The following CCDC187 variants were observed in gnomAD, a reference collection of about 807,000 sequenced individuals.
CCDC187 encodes coiled-coil domain containing 187.
CCDC187 carries 32 observed loss-of-function variants against 38.0 expected under a neutral mutation model. The observed-to-expected ratio is 0.84, with a 90% CI of 0.64 to 1.13. The LOEUF (loss-of-function observed/expected upper bound fraction) is 1.13. Among genes scored for constraint, CCDC187 ranks in the 50% most tolerant of loss-of-function variants. The probability of loss-of-function intolerance (pLI) is 0.00; values close to 1 mark genes in which losing one functional copy is unlikely to be tolerated. For synonymous variants in CCDC187, 333 were observed against 347.9 expected (o/e 0.96, Z 0.48); for missense variants, 707 against 786.8 (o/e 0.90, Z 1.21).
At position 136,291,410 on chromosome 9, in the gene CCDC187, T is replaced by G. The variant is rs1831326131; in HGVS notation, c.1203A>C (p.Ser401=). ...ARKGGQELGP[S]KRRLQDVAGR... ...CTGCCACGTCCTGCAGCCTCCGCTT[T>G]GATGGCCCGAGCTCTTGCCCTCCCT... Residue 401 remains serine, a synonymous_variant, in exon 6 of 26, where the codon TCA becomes TCC. Coordinates refer to ENST00000638797, the MANE Select transcript of CCDC187 (RefSeq NM_001378188.1). 2.5e-6 allele frequency: 1 copy of G among 398,912 alleles called. No individual in the cohort carries two copies. The highest frequency in any genetic ancestry group is 2.1e-5 in the African/African-American group (1 of 48,644). 24.7% of individuals were successfully genotyped at this position (398,912 alleles called of 1,614,324 possible).
upstream of CCDC187, among the ~76,000 whole-genome samples, chr9:136,306,467 T>G (rs1232532179): frequency 1.3e-5 from 2 of 152,308 alleles, no homozygotes; most frequent in Non-Finnish European, 2.9e-5. Context: ...CACACTGGCG[T>G]GCAGATGCTT....
At chr9:136,300,432 G>C (rs1355730820) in intron 2 of CCDC187, 114 bp from the exon 3 acceptor site, 1 of 386,416 alleles carries the variant, frequency 2.6e-6, no homozygotes, top group Non-Finnish European at 4.6e-6. Context: ...TTATTTACTT[G>C]AGACAGGGTC....
chr9:136,261,976 C>T (rs924013449), intron 19 of CCDC187, among the ~76,000 whole-genome samples: 1 of 152,166 alleles, frequency 6.6e-6, no homozygotes, highest in Non-Finnish European at 1.5e-5. Flanking sequence ...GGCTCTCGGG[C>T]AGCGGCCAGG....
chr9:136,305,911 A>G (rs1288659145), upstream of CCDC187, among the ~76,000 whole-genome samples: 1 of 152,082 alleles, frequency 6.6e-6, no homozygotes, highest in Non-Finnish European at 1.5e-5. Context: ...AGGCTTCCAG[A>G]CGCAGCTCTG....
chr9:136,279,678 C>T (rs978386177), intron 10 of CCDC187, among the ~76,000 whole-genome samples: 4 of 152,346 alleles, frequency 2.6e-5, no homozygotes, highest in East Asian at 1.9e-4. Flanking sequence ...AGCCCATACC[C>T]GGGCACTCTG....
At chr9:136,287,649 G>A (rs1010946530) in intron 7 of CCDC187, among the ~76,000 whole-genome samples, 7 of 152,268 alleles carry the variant, frequency 4.6e-5, no homozygotes, top group African/African-American at 4.8e-5. Flanking sequence ...TTGTCTCCGC[G>A]ATTGGCCTTC....
At position 136,251,232 on chromosome 9, in the gene CCDC187, A is replaced by G. The variant is rs1830532371; in HGVS notation, c.*2362T>C. 1 of 339,122 alleles carries G rather than the reference A, an allele frequency of 2.9e-6. No individual in the cohort carries two copies. The highest frequency in any genetic ancestry group is 5.9e-6 in the Non-Finnish European group (1 of 169,498). 21.0% of individuals were successfully genotyped at this position (339,122 alleles called of 1,614,324 possible). A position where few individuals can be genotyped will look rare whatever the true frequency, so the allele number is the denominator to read the frequency against. ...GTCCCAGAGAAATTACAGGGGTCCC[A>G]GTGAATCCTCTGGAAGCAAAGAAAA... On this transcript the variant is annotated 3_prime_UTR_variant, in exon 26 of 26. Transcript: ENST00000638797.
chr9:136,290,405 G>T (rs1588668314), intron 6 of CCDC187, 81 bp downstream of exon 6: 1 of 398,022 alleles, frequency 2.5e-6, no homozygotes, highest in South Asian at 1.3e-4. Flanking sequence ...AGGACACCAG[G>T]GGGCTGGAGG....
At chr9:136,265,044 C>T (rs1316843700) in intron 17 of CCDC187, among the ~76,000 whole-genome samples, 3 of 152,206 alleles carry the variant, frequency 2.0e-5, no homozygotes, top group Admixed American at 1.3e-4. Flanking sequence ...ACTGCCTCAC[C>T]CAGCCAGGTT....
At chr9:136,277,427 GGGGGTGAGTGGGTGCAGAT>G (rs1830953626) in intron 10 of CCDC187, among the ~76,000 whole-genome samples, 4 of 101,022 alleles carry the variant, frequency 4.0e-5, no homozygotes, top group Admixed American at 2.3e-4. Flanking sequence ...TGGGTGCTGA[GGGGGTGAGTGGGTGCAGAT>G]GGGGTGGGCG....
At chr9:136,294,414 CT>C (rs1831484948) in intron 4 of CCDC187, among the ~76,000 whole-genome samples, 1 of 152,236 alleles carries the variant, frequency 6.6e-6, no homozygotes, top group Non-Finnish European at 1.5e-5. Flanking sequence ...TCCCTGGCCC[CT>C]ATGCCCCTTC....
At chr9:136,275,499 C>T (rs1416684714) in intron 12 of CCDC187, among the ~76,000 whole-genome samples, 8 of 152,132 alleles carry the variant, frequency 5.3e-5, no homozygotes, top group East Asian at 1.9e-4. Context: ...CACGTGTGCA[C>T]GCACATACTT....
chr9:136,304,441 T>C (rs1831766691), upstream of CCDC187, among the ~76,000 whole-genome samples: 1 of 152,154 alleles, frequency 6.6e-6, no homozygotes, highest in African/African-American at 2.4e-5. Context: ...TCCATGGGGC[T>C]GGGCAGGGGA....
chr9:136,263,235 C>CATTT (rs71492113), intron 18 of CCDC187, among the ~76,000 whole-genome samples: 1 of 94,082 alleles, frequency 1.1e-5, no homozygotes. Context: ...GGGCCACAGG[C>CATTT]TTTTTTTTTT....
At chr9:136,259,935 A>T (rs147337291) in intron 20 of CCDC187, among the ~76,000 whole-genome samples, 184 bp downstream of exon 20, 164 of 152,242 alleles carry the variant, frequency 1.1e-3, no homozygotes, top group African/African-American at 3.4e-3. Flanking sequence ...TGGCAAACCC[A>T]CTGTGTGCTC....
intron 25 of CCDC187, 40 bp downstream of exon 25, chr9:136,255,617 A>C: frequency 1.1e-6 from 1 of 920,530 alleles, no homozygotes; most frequent in Non-Finnish European, 1.3e-6. Context: ...CTTAGTGGGG[A>C]CTCGATGGCT....
In CCDC187 at chr9:136,253,604, C is replaced by A. The variant is rs527897449; in HGVS notation, c.6224G>T (p.Gly2075Val). 6.4e-5 allele frequency: 63 copies of A among 985,642 alleles called. No individual in the cohort carries two copies. The East Asian group carries it at 6.7e-3, about 105-fold the overall frequency. 61.1% of individuals were successfully genotyped at this position (985,642 alleles called of 1,614,324 possible). Residue 2075 changes from glycine to valine, a missense_variant, in exon 26 of 26, where the codon GGA (glycine) becomes GTA (valine). By Grantham distance (109) the Gly-to-Val change is moderately radical. Coordinates refer to ENST00000638797, the MANE Select transcript of CCDC187 (RefSeq NM_001378188.1). ...TGGGCAGAGCCCCAACTACTGGGTT[C>A]CCGCCGACCCCTGGGGCCCAGGAAA... ...GLFPGPQGSA[G>V]TQ
Position 136,292,219 on chromosome 9 carries a change from G to A in CCDC187, c.909C>T (p.Val303=). Residue 303 remains valine (V), a synonymous_variant, in exon 5 of 26, where the codon GTC becomes GTT. Coordinates refer to ENST00000638797, the MANE Select transcript of CCDC187 (RefSeq NM_001378188.1). ...GATCCTTGCTATGGTGCCTGCGGAGGACGGGAGGGGGCCCAAGCAGCGACC... is the reference window on the plus strand; with the variant it reads ...GATCCTTGCTATGGTGCCTGCGGAGAACGGGAGGGGGCCCAAGCAGCGACC... The part of the protein sequence containing the change: ...LVRSLLGPPP[V]LRRHHSKDPS... 1 of 398,868 alleles carries A rather than the reference G, an allele frequency of 2.5e-6. No homozygotes were observed. The highest frequency in any genetic ancestry group is 1.3e-4 in the South Asian group (1 of 7,866). 24.7% of individuals were successfully genotyped at this position (398,868 alleles called of 1,614,324 possible).
At chr9:136,261,726 C>A (rs1830680379) in intron 19 of CCDC187, among the ~76,000 whole-genome samples, 1 of 152,234 alleles carries the variant, frequency 6.6e-6, no homozygotes, top group Non-Finnish European at 1.5e-5. Context: ...AGGACGCTCC[C>A]CCAGGCAGAC....
Sources: gnomAD v4.1 joint callset for allele counts (sites outside exome capture counted in the v4.1 genomes callset) on GRCh38, gnomAD v4.1.1 for gene constraint, MANE v1.5 for transcripts, NCBI Gene and HGNC (gene_info 2026-07-23, HGNC 2026-07-21) for gene names.